Variants in AFDN observed in about 807,000 individuals in gnomAD.
AFDN encodes the protein afadin, adherens junction formation factor.
A neutral mutation model predicts 216.6 loss-of-function variants in AFDN; 68 were observed. The ratio of observed to expected loss-of-function variants is 0.31; its 90% CI spans 0.26 to 0.38. The LOEUF is 0.38. Among genes scored for constraint, AFDN ranks in the 10% least tolerant of loss-of-function variants. The probability of loss-of-function intolerance (pLI) is 1.00; values close to 1 mark genes in which losing one functional copy is unlikely to be tolerated. For synonymous variants in AFDN, 868 were observed against 853.7 expected, an observed-to-expected ratio of 1.02 and a Z score of -0.29; for missense variants, 2,136 against 2,342.0, an observed-to-expected ratio of 0.91 and a Z score of 1.82.
rs1185525689 is a variant in AFDN at position 167,940,997 on chromosome 6, G to A, written c.3100-2132G>A. On this transcript the variant is annotated intron_variant, in intron 23 of 33. Coordinates refer to ENST00000683244, the MANE Select transcript of AFDN (RefSeq NM_001386888.1). ...TGGAAACCATCCACAGGAGAGATGTGTGGACAGACACAGAGGGATGTAGGG... is the reference window on the plus strand; with the variant it reads ...TGGAAACCATCCACAGGAGAGATGTATGGACAGACACAGAGGGATGTAGGG... Among the ~76,000 whole-genome samples the A allele has an allele frequency of 7.5e-4, 5 of 6,660 alleles. 1 individual carries two copies. The highest frequency in any genetic ancestry group is 2.0e-3 in the Admixed American group (2 of 1,008). 4.4% of individuals were successfully genotyped at this position (6,660 alleles called of 152,430 possible). A position where few individuals can be genotyped will look rare whatever the true frequency, so the allele number is the denominator to read the frequency against.
chr6:167,919,998 T>TA (rs1227770228), intron 21 of AFDN, among the ~76,000 whole-genome samples: 8 of 152,230 alleles, frequency 5.3e-5, no homozygotes, highest in Non-Finnish European at 1.2e-4. Flanking sequence ...TTCTGATAGT[T>TA]AAAAAAATCA....
At chr6:167,954,249 A>G (rs1796283449) in intron 30 of AFDN, among the ~76,000 whole-genome samples, 1 of 152,228 alleles carries the variant, frequency 6.6e-6, no homozygotes, top group Non-Finnish European at 1.5e-5. Flanking sequence ...TATCCTAATG[A>G]TGAAACTCAT....
At chr6:167,925,412 C>T (rs1792388106) in intron 23 of AFDN, among the ~76,000 whole-genome samples, 3 of 152,160 alleles carry the variant, frequency 2.0e-5, no homozygotes, top group Non-Finnish European at 2.9e-5. Flanking sequence ...AGCATTGCTA[C>T]AGTAGAAAAC....
At chr6:167,933,895 G>C (rs1390549122) in intron 23 of AFDN, among the ~76,000 whole-genome samples, 1 of 152,132 alleles carries the variant, frequency 6.6e-6, no homozygotes, top group Non-Finnish European at 1.5e-5. Flanking sequence ...GGGTAGCCCA[G>C]AGGTTCACAC....
At chr6:167,873,292 G>A (rs976595865) in intron 4 of AFDN, among the ~76,000 whole-genome samples, 8 of 152,134 alleles carry the variant, frequency 5.3e-5, no homozygotes, top group Non-Finnish European at 8.8e-5. Flanking sequence ...TACTTGTCTG[G>A]AGAGGCTTTA....
chr6:167,966,027 G>A lies in AFDN; in HGVS notation c.5239G>A (p.Glu1747Lys), dbSNP rs777141598. The A allele has an allele frequency of 6.5e-7, 1 of 1,547,790 alleles. No homozygotes were observed. Among genetic ancestry groups the A allele is most frequent in the South Asian group, 1.2e-5 (1 of 84,050 alleles). ...TGCATACAATGAGGAGGAGGAGGAGGAGGACTGCAGCCTAGCAGGTCAGGA... is the reference window on the plus strand; with the variant it reads ...TGCATACAATGAGGAGGAGGAGGAGAAGGACTGCAGCCTAGCAGGTCAGGA... Reference protein sequence around the residue: ...FVAYNEEEEEEDCSLAGPNSY... With the variant: ...FVAYNEEEEEKDCSLAGPNSY... The change falls in exon 32 of 34, where the codon GAG (glutamate) becomes AAG (lysine). Residue 1747 changes from glutamate to lysine, a missense_variant. Physicochemically the swap from Glu to Lys is moderately conservative, Grantham distance 56. Coordinates refer to ENST00000683244, the MANE Select transcript of AFDN (RefSeq NM_001386888.1).
Position 167,848,549 on chromosome 6 carries a change from G to A in AFDN, c.106-16002G>A, listed in dbSNP as rs760895673. On this transcript the variant is annotated intron_variant, in intron 1 of 33. Coordinates refer to ENST00000683244, the MANE Select transcript of AFDN (RefSeq NM_001386888.1). Reference sequence around the variant, plus strand: ...GTTACAAATGTGGATTTAATGAACAGTCTTGTCCATGTTTTCTTCTGTACT... The same window carrying A: ...GTTACAAATGTGGATTTAATGAACAATCTTGTCCATGTTTTCTTCTGTACT... Among the ~76,000 whole-genome samples, 98 of 152,114 alleles carry A rather than the reference G, an allele frequency of 6.4e-4. 1 individual carries two copies. The highest frequency in any genetic ancestry group is 4.0e-3 in the Admixed American group (61 of 15,270).
At chr6:167,843,829 T>G (rs554921022) in intron 1 of AFDN, among the ~76,000 whole-genome samples, 31 of 152,328 alleles carry the variant, frequency 2.0e-4, no homozygotes, top group Non-Finnish European at 3.7e-4. Context: ...TACTATAATC[T>G]GCTCATATAA....
At chr6:167,945,129 G>C (rs115194913) in intron 26 of AFDN, among the ~76,000 whole-genome samples, 1 of 151,336 alleles carries the variant, frequency 6.6e-6, no homozygotes, top group South Asian at 2.1e-4. Flanking sequence ...AAATATTTTC[G>C]TTCTTTCTAT....
Position 167,898,215 on chromosome 6 carries a change from C to G in AFDN, c.1328C>G (p.Pro443Arg), listed in dbSNP as rs147409569. ...TCCTTCGGTTTCCAGTTGTTTGGCC[C>G]AGGAATTCAGCCCCATCACTGTGAC... Reference protein sequence around the residue: ...LDDNSIQLFGPGIQPHHCDLT... With the variant: ...LDDNSIQLFGRGIQPHHCDLT... Residue 443 changes from proline (P) to arginine (R), a missense_variant, in exon 11 of 34, where the codon CCA (proline) becomes CGA (arginine). Pro to Arg is a moderately radical substitution (Grantham distance 103). Transcript: ENST00000683244. 311 of 1,613,312 alleles carry G rather than the reference C, an allele frequency of 1.9e-4. No individual in the cohort carries two copies. Among genetic ancestry groups the G allele is most frequent in the Non-Finnish European group, 2.4e-4 (286 of 1,179,564 alleles).
chr6:167,841,533 A>T (rs1781074617), intron 1 of AFDN, among the ~76,000 whole-genome samples: 1 of 152,134 alleles, frequency 6.6e-6, no homozygotes. Context: ...TCAGGAGAGG[A>T]AAGTTTAGAA....
At chr6:167,876,243 A>G (rs1298459332) in intron 5 of AFDN, among the ~76,000 whole-genome samples, 1 of 152,124 alleles carries the variant, frequency 6.6e-6, no homozygotes, top group Admixed American at 6.6e-5. Flanking sequence ...GCACCCTATA[A>G]CTGAGTCGTA....
chr6:167,850,881 T>TTG (rs35799397), intron 1 of AFDN, among the ~76,000 whole-genome samples: 8,249 of 151,274 alleles, frequency 0.055, 281 homozygotes, highest in Non-Finnish European at 0.078. Flanking sequence ...TAATTTTTTA[T>TTG]TGTGTGTGTG....
chr6:167,900,413 T>C (rs536125329), intron 11 of AFDN, among the ~76,000 whole-genome samples: 1 of 152,324 alleles, frequency 6.6e-6, no homozygotes, highest in East Asian at 1.9e-4. Flanking sequence ...TAGTTTACAA[T>C]TATCAAGTAC....
intron 32 of AFDN, chr6:167,968,835 C>T: frequency 2.6e-6 from 1 of 381,436 alleles, no homozygotes; most frequent in Non-Finnish European, 4.9e-6. Context: ...CTGTGCCAGT[C>T]AGAGGCAGAG....
chr6:167,875,584 A>C, intron 5 of AFDN, 89 bp downstream of exon 5: 1 of 1,347,772 alleles, frequency 7.4e-7, no homozygotes, highest in Non-Finnish European at 1.0e-6. Context: ...CTTTAACTAA[A>C]GCAATGGGTG....
chr6:167,968,828 TGCCAGTCAGAG>T, intron 32 of AFDN: 1 of 373,632 alleles, frequency 2.7e-6, no homozygotes, highest in Non-Finnish European at 5.0e-6. Context: ...AGAGTTGCTG[TGCCAGTCAGAG>T]GCAGAGCTGG....
intron 23 of AFDN, among the ~76,000 whole-genome samples, chr6:167,931,267 G>A (rs1238341508): frequency 6.6e-6 from 1 of 152,156 alleles, no homozygotes; most frequent in South Asian, 2.1e-4. Context: ...GACATATGGA[G>A]GTGTGATTTA....
intron 30 of AFDN, among the ~76,000 whole-genome samples, chr6:167,961,627 G>GA (rs1344432233): frequency 6.6e-6 from 1 of 152,152 alleles, no homozygotes; most frequent in Non-Finnish European, 1.5e-5. Context: ...GGCAGAACTG[G>GA]AATGACCAAA....
Sources: allele counts gnomAD v4.1 joint callset (sites outside exome capture counted in the v4.1 genomes callset), GRCh38; gene constraint gnomAD v4.1.1; transcripts MANE v1.5; gene names NCBI Gene and HGNC (gene_info 2026-07-23, HGNC 2026-07-21).